The following NKAIN2 variants were observed in gnomAD, a reference collection of about 807,000 sequenced individuals.
NKAIN2 encodes sodium/potassium-transporting ATPase subunit beta-1-interacting protein 2.
A neutral mutation model predicts 32.6 loss-of-function variants in NKAIN2; 14 were observed. The ratio of observed to expected loss-of-function variants is 0.43; its 90% CI spans 0.28 to 0.67. The LOEUF (loss-of-function observed/expected upper bound fraction) is 0.67, where lower values mean the gene tolerates loss of function less well. Ranked by LOEUF, NKAIN2 falls within the 30% of genes least tolerant of loss-of-function variation. The pLI is 0.17. For missense variants in NKAIN2, 198 were observed against 258.3 expected (o/e 0.77, Z 1.60); for synonymous variants, 80 against 87.2 (o/e 0.92, Z 0.46).
intron 3 of NKAIN2, among the ~76,000 whole-genome samples, chr6:124,387,294 GTTT>G (rs5879731): frequency 0.011 from 1,617 of 146,458 alleles, 10 homozygotes; most frequent in Non-Finnish European, 0.015. Flanking sequence ...CTAATTAAAG[GTTT>G]TTTTTTTTTT....
intron 3 of NKAIN2, among the ~76,000 whole-genome samples, chr6:124,373,556 C>T (rs1011657661): frequency 2.0e-5 from 3 of 152,058 alleles, no homozygotes; most frequent in African/African-American, 7.2e-5. Context: ...AGGGGAGACA[C>T]TTAGGGAAAG....
chr6:124,729,510 C>G (rs199655410), intron 4 of NKAIN2, among the ~76,000 whole-genome samples: 5,654 of 150,962 alleles, frequency 0.037, 107 homozygotes, highest in East Asian at 0.083. Flanking sequence ...ATTCAACAAC[C>G]CTTCATGCTA....
chr6:124,178,956 T>A (rs181360268), intron 1 of NKAIN2, among the ~76,000 whole-genome samples: 436 of 152,316 alleles, frequency 2.9e-3, no homozygotes, highest in Admixed American at 5.1e-3. Context: ...AATGAGAGAA[T>A]GTGTAATTGT....
chr6:123,929,169 A>G (rs937192561), intron 1 of NKAIN2, among the ~76,000 whole-genome samples: 1 of 152,156 alleles, frequency 6.6e-6, no homozygotes, highest in Non-Finnish European at 1.5e-5. Context: ...AGTTGCATGT[A>G]TATATTGTGA....
chr6:123,824,941 A>G (rs1320200019), intron 1 of NKAIN2, among the ~76,000 whole-genome samples: 3 of 152,044 alleles, frequency 2.0e-5, no homozygotes, highest in African/African-American at 7.2e-5. Context: ...AAGGCTTCCA[A>G]TCTGTCTTAA....
At chr6:124,521,618 A>G (rs1027747251) in intron 3 of NKAIN2, among the ~76,000 whole-genome samples, 3 of 152,200 alleles carry the variant, frequency 2.0e-5, no homozygotes, top group African/African-American at 7.2e-5. Context: ...TCTCTTCTCT[A>G]TAAGTACAAT....
At chr6:123,911,812 T>TATGTATATGTATATATATATATAC (rs1331943561) in intron 1 of NKAIN2, among the ~76,000 whole-genome samples, 1 of 85,014 alleles carries the variant, frequency 1.2e-5, no homozygotes, top group African/African-American at 4.6e-5. Context: ...TATATATATA[T>TATGTATATGTATATATATATATAC]ACACACACAC....
chr6:124,304,869 A>T (rs534856777), intron 2 of NKAIN2, among the ~76,000 whole-genome samples: 2 of 152,120 alleles, frequency 1.3e-5, no homozygotes, highest in Non-Finnish European at 2.9e-5. Flanking sequence ...AGCCAAGATC[A>T]TGCCACTGCA....
chr6:124,216,716 G>A (rs1791497296), intron 1 of NKAIN2, among the ~76,000 whole-genome samples: 1 of 152,098 alleles, frequency 6.6e-6, no homozygotes, highest in Non-Finnish European at 1.5e-5. Context: ...TGCACCGGTT[G>A]GCCATGACTT....
At chr6:124,193,878 A>T (rs993216128) in intron 1 of NKAIN2, among the ~76,000 whole-genome samples, 2 of 151,968 alleles carry the variant, frequency 1.3e-5, no homozygotes, top group Non-Finnish European at 2.9e-5. Context: ...CAGGCAAATC[A>T]TTCCATTGAG....
chr6:124,433,805 G>A (rs758710345), intron 3 of NKAIN2, among the ~76,000 whole-genome samples: 18 of 152,080 alleles, frequency 1.2e-4, no homozygotes, highest in Non-Finnish European at 2.5e-4. Context: ...TCTTCCATTC[G>A]CCAGGAGCCT....
At chr6:124,340,410 C>T (rs6915871) in intron 2 of NKAIN2, among the ~76,000 whole-genome samples, 21,354 of 151,884 alleles carry the variant, frequency 0.14, 2,210 homozygotes, top group African/African-American at 0.29. Context: ...CATGGGTGCA[C>T]GTAAAGGTTT....
chr6:124,643,508 T>C (rs1040405573), intron 3 of NKAIN2, among the ~76,000 whole-genome samples: 3 of 152,192 alleles, frequency 2.0e-5, no homozygotes, highest in Non-Finnish European at 4.4e-5. Flanking sequence ...AAATACTTTC[T>C]TATATCGGTA....
intron 1 of NKAIN2, among the ~76,000 whole-genome samples, chr6:123,904,998 T>C (rs1045074818): frequency 6.6e-6 from 1 of 152,208 alleles, no homozygotes; most frequent in African/African-American, 2.4e-5. Flanking sequence ...AATTACACAC[T>C]GAAGAGGCTA....
intron 3 of NKAIN2, among the ~76,000 whole-genome samples, chr6:124,541,287 T>C (rs192880086): frequency 1.5e-3 from 229 of 152,290 alleles, no homozygotes; most frequent in African/African-American, 5.4e-3. Flanking sequence ...GAAGTTAAAA[T>C]ATTGAGTGTT....
chr6:124,071,164 T>C (rs1040470836), intron 1 of NKAIN2, among the ~76,000 whole-genome samples: 2 of 152,098 alleles, frequency 1.3e-5, no homozygotes, highest in African/African-American at 2.4e-5. Flanking sequence ...AGCCATAATC[T>C]ACAGGCCTCT....
chr6:124,321,289 G>A (rs1453665334), intron 2 of NKAIN2, among the ~76,000 whole-genome samples: 5 of 151,972 alleles, frequency 3.3e-5, no homozygotes, highest in Admixed American at 3.3e-4. Context: ...ATAAATAGCA[G>A]TGCTTAAGCA....
intron 1 of NKAIN2, among the ~76,000 whole-genome samples, chr6:123,973,847 TA>T (rs1482131580): frequency 6.6e-6 from 1 of 152,132 alleles, no homozygotes; most frequent in African/African-American, 2.4e-5. Flanking sequence ...AATGTTGTGA[TA>T]AATACATGCT....
chr6:123,806,960 G>T lies in NKAIN2; in HGVS notation c.54+2706G>T, dbSNP rs180544. On this transcript the variant is annotated intron_variant, in intron 1 of 6. Coordinates refer to ENST00000368417, the MANE Select transcript of NKAIN2 (RefSeq NM_001040214.3). ...TTAGGAGAGGATGAGGTGGCTTTTG[G>T]TATTGTGGATATGGTGATCTCATTT... Among the ~76,000 whole-genome samples the T allele has an allele frequency of 1.8e-3, 273 of 152,084 alleles. 1 individual carries two copies. The highest frequency in any genetic ancestry group is 3.1e-3 in the Non-Finnish European group (213 of 67,882).
Sources: gnomAD v4.1 joint callset for allele counts (sites outside exome capture counted in the v4.1 genomes callset) on GRCh38, gnomAD v4.1.1 for gene constraint, MANE v1.5 for transcripts, NCBI Gene and HGNC (gene_info 2026-07-23, HGNC 2026-07-21) for gene names.